The following CNTNAP2 variants were observed in gnomAD, a reference collection of about 807,000 sequenced individuals.
The protein encoded by CNTNAP2 is contactin associated protein 2, also known as contactin-associated protein-like 2.
In CNTNAP2, 98 loss-of-function variants were observed where a neutral mutation model predicts 155.2. That is an observed-to-expected ratio of 0.63 (90% confidence interval 0.54 to 0.75). The LOEUF (loss-of-function observed/expected upper bound fraction) is 0.75. Ranked by LOEUF, CNTNAP2 falls within the 30% of genes least tolerant of loss-of-function variation. The probability of loss-of-function intolerance (pLI) is 0.00; values close to 1 mark genes in which losing one functional copy is unlikely to be tolerated. For missense variants in CNTNAP2, 1,727 were observed against 1,688.1 expected (o/e 1.02, Z -0.40); for synonymous variants, 651 against 631.2 (o/e 1.03, Z -0.47).
intron 3 of CNTNAP2, among the ~76,000 whole-genome samples, chr7:146,998,631 A>G (rs748235357): frequency 1.3e-5 from 2 of 152,020 alleles, no homozygotes; most frequent in Non-Finnish European, 2.9e-5. Flanking sequence ...AAGTGAGGTG[A>G]TGAAGTCGCT....
At chr7:147,651,903 C>T (rs1046525008) in intron 13 of CNTNAP2, among the ~76,000 whole-genome samples, 4 of 152,142 alleles carry the variant, frequency 2.6e-5, no homozygotes, top group African/African-American at 4.8e-5. Context: ...CTACAACCTT[C>T]GGAAAGCTGC....
chr7:146,618,483 G>T (rs1277681566), intron 1 of CNTNAP2, among the ~76,000 whole-genome samples: 2 of 152,072 alleles, frequency 1.3e-5, no homozygotes, highest in Non-Finnish European at 2.9e-5. Flanking sequence ...GTCTAAGAGA[G>T]GAATATTGCC....
At chr7:147,020,485 T>C (rs1039078940) in intron 3 of CNTNAP2, among the ~76,000 whole-genome samples, 1 of 152,108 alleles carries the variant, frequency 6.6e-6, no homozygotes, top group Non-Finnish European at 1.5e-5. Context: ...GGGCCCCATA[T>C]CTCCTTGTTA....
intron 8 of CNTNAP2, among the ~76,000 whole-genome samples, chr7:147,214,240 C>A (rs1018650590): frequency 2.0e-5 from 3 of 152,104 alleles, no homozygotes; most frequent in African/African-American, 7.2e-5. Flanking sequence ...CAATTTTTTT[C>A]TTTTATAACT....
intron 3 of CNTNAP2, among the ~76,000 whole-genome samples, chr7:147,003,342 C>CA (rs1798463262): frequency 6.6e-6 from 1 of 151,490 alleles, no homozygotes; most frequent in Admixed American, 6.6e-5. Flanking sequence ...CCAACCCCCC[C>CA]CAAAAAAGTA....
intron 8 of CNTNAP2, among the ~76,000 whole-genome samples, chr7:147,222,966 CT>C (rs1194233378): frequency 3.3e-5 from 5 of 152,064 alleles, no homozygotes; most frequent in African/African-American, 1.2e-4. Context: ...GAAGGCAGAC[CT>C]TGTTAAGAAC....
chr7:146,475,794 C>T (rs181497128), intron 1 of CNTNAP2, among the ~76,000 whole-genome samples: 1 of 152,060 alleles, frequency 6.6e-6, no homozygotes, highest in Non-Finnish European at 1.5e-5. Flanking sequence ...TCCAGTCCTC[C>T]CAATACCCCA....
intron 18 of CNTNAP2, among the ~76,000 whole-genome samples, chr7:148,193,620 C>G (rs2116720769): frequency 6.6e-6 from 1 of 152,036 alleles, no homozygotes; most frequent in East Asian, 1.9e-4. Flanking sequence ...TGGACCAAAG[C>G]TCAGGGCCTC....
chr7:146,391,974 C>T (rs541407678), intron 1 of CNTNAP2, among the ~76,000 whole-genome samples: 4 of 152,048 alleles, frequency 2.6e-5, no homozygotes, highest in Middle Eastern at 6.8e-3. Flanking sequence ...CTTGTACCCC[C>T]GAACTTAAAA....
At chr7:147,683,636 G>A (rs1795978390) in intron 13 of CNTNAP2, among the ~76,000 whole-genome samples, 1 of 151,134 alleles carries the variant, frequency 6.6e-6, no homozygotes, top group Non-Finnish European at 1.5e-5. Flanking sequence ...ATAAAAACTT[G>A]AGAAACATAA....
intron 9 of CNTNAP2, among the ~76,000 whole-genome samples, chr7:147,307,444 T>C (rs865982030): frequency 9.8e-5 from 13 of 132,218 alleles, no homozygotes; most frequent in African/African-American, 4.3e-4. Flanking sequence ...TAGCCAGGCA[T>C]GGTGGCACAC....
chr7:146,779,238 T>G (rs748742008), intron 2 of CNTNAP2, among the ~76,000 whole-genome samples: 2 of 152,200 alleles, frequency 1.3e-5, no homozygotes, highest in Admixed American at 6.5e-5. Context: ...AAAGTAAGTT[T>G]TTCTTCCTAG....
chr7:147,303,443 CA>C (rs1308497966), intron 9 of CNTNAP2, among the ~76,000 whole-genome samples: 1 of 152,190 alleles, frequency 6.6e-6, no homozygotes, highest in Non-Finnish European at 1.5e-5. Flanking sequence ...GATTCCTGAT[CA>C]GAAGAGGAAC....
chr7:146,567,841 C>T (rs1798382149), intron 1 of CNTNAP2, among the ~76,000 whole-genome samples: 2 of 152,140 alleles, frequency 1.3e-5, no homozygotes, highest in African/African-American at 4.8e-5. Context: ...CTGCCTCAGC[C>T]TCCTGAGTAG....
At chr7:148,172,525 G>A (rs1446993772) in intron 18 of CNTNAP2, 47 bp downstream of exon 18, 1 of 1,467,202 alleles carries the variant, frequency 6.8e-7, no homozygotes, top group East Asian at 2.3e-5. Flanking sequence ...GTCTTTTTAA[G>A]CCCAAATCAT....
At chr7:146,578,614 G>T (rs1798561642) in intron 1 of CNTNAP2, among the ~76,000 whole-genome samples, 2 of 152,024 alleles carry the variant, frequency 1.3e-5, no homozygotes, top group South Asian at 4.1e-4. Flanking sequence ...ATTACTATAA[G>T]TTGGCATTTT....
At chr7:147,190,621 A>G (rs1027960518) in intron 8 of CNTNAP2, among the ~76,000 whole-genome samples, 5 of 152,166 alleles carry the variant, frequency 3.3e-5, no homozygotes, top group African/African-American at 1.2e-4. Context: ...GGCTGGATAT[A>G]CCGATGTGCA....
At chr7:146,682,108 A>T (rs1476045915) in intron 1 of CNTNAP2, among the ~76,000 whole-genome samples, 1 of 151,704 alleles carries the variant, frequency 6.6e-6, no homozygotes, top group East Asian at 1.9e-4. Flanking sequence ...ATGATGCTTT[A>T]TGAAAACAGA....
chr7:146,842,653 G>A (rs915243187), intron 3 of CNTNAP2, among the ~76,000 whole-genome samples: 2 of 152,102 alleles, frequency 1.3e-5, no homozygotes, highest in East Asian at 3.9e-4. Flanking sequence ...TACATGCCGG[G>A]AGCAGGAGGA....
Sources: gnomAD v4.1 joint callset for allele counts (sites outside exome capture counted in the v4.1 genomes callset) on GRCh38, gnomAD v4.1.1 for gene constraint, MANE v1.5 for transcripts, NCBI Gene and HGNC (gene_info 2026-07-23, HGNC 2026-07-21) for gene names.